IRAK4: variants seen among roughly 807,000 people sequenced by gnomAD.
The protein encoded by IRAK4 is interleukin 1 receptor associated kinase 4.
In IRAK4, 44 loss-of-function variants were observed where a neutral mutation model predicts 51.8. The ratio of observed to expected loss-of-function variants is 0.85; its 90% CI spans 0.67 to 1.09. The LOEUF is 1.09. IRAK4 is among the 50% of genes least tolerant of loss of function. The probability of loss-of-function intolerance (pLI) is 0.00; values close to 1 mark genes in which losing one functional copy is unlikely to be tolerated. For missense variants in IRAK4, 487 were observed against 538.0 expected (o/e 0.91, Z 0.94); for synonymous variants, 149 against 174.1 (o/e 0.86, Z 1.13).
rs4251503 is a variant in IRAK4, at chr12:43,778,405, G to T, written c.941+103G>T. The T allele has an allele frequency of 2.3e-4, 168 of 715,440 alleles. 4 individuals carry two copies. The highest frequency in any genetic ancestry group is 1.1e-3 in the South Asian group (72 of 65,728). 44.3% of individuals were successfully genotyped at this position (715,440 alleles called of 1,614,324 possible). ...TGCAGGTCTTAACCTAGAGCATCTG[G>T]ACTTTTTTCCCATCACTCCATGAAA... On this transcript the variant is annotated intron_variant, in intron 8 of 11. Coordinates refer to ENST00000613694, the MANE Select transcript of IRAK4 (RefSeq NM_016123.4).
chr12:43,776,867 G>C (rs1199355580), intron 6 of IRAK4, among the ~76,000 whole-genome samples: 2 of 152,188 alleles, frequency 1.3e-5, no homozygotes, highest in African/African-American at 2.4e-5. Context: ...TGTGATTAAA[G>C]ATCAAAAACA....
At chr12:43,765,969 C>A (rs1400198942) in intron 1 of IRAK4, among the ~76,000 whole-genome samples, 2 of 151,992 alleles carry the variant, frequency 1.3e-5, no homozygotes, top group Admixed American at 1.3e-4. Context: ...TATACTTTTT[C>A]CAAGCTCTCC....
intron 10 of IRAK4, among the ~76,000 whole-genome samples, chr12:43,784,239 C>G (rs940754475): frequency 6.6e-6 from 1 of 152,180 alleles, no homozygotes; most frequent in Non-Finnish European, 1.5e-5. Flanking sequence ...TGCTCTCACA[C>G]CACAACAACA....
intron 8 of IRAK4, 26 bp downstream of exon 8, chr12:43,778,328 T>C (rs1941478098): frequency 2.4e-6 from 3 of 1,248,390 alleles, no homozygotes; most frequent in African/African-American, 2.9e-5. Flanking sequence ...TAAAAGTTTT[T>C]GGAAAGCTGT....
chr12:43,760,376 T>G (rs1939387548), intron 1 of IRAK4, among the ~76,000 whole-genome samples: 1 of 152,180 alleles, frequency 6.6e-6, no homozygotes, highest in Non-Finnish European at 1.5e-5. Flanking sequence ...TACTCCAACA[T>G]CCTTTATTCC....
Position 43,782,315 on chromosome 12 carries a change from T to TGAAG in IRAK4, c.950_951insGAAG (p.Ile317MetfsTer6). The TGAAG allele has an allele frequency of 1.2e-6, 2 of 1,612,480 alleles. No individual in the cohort carries two copies. Among genetic ancestry groups the TGAAG allele is most frequent in the Non-Finnish European group, 1.7e-6 (2 of 1,178,524 alleles). On this transcript the variant is annotated frameshift_variant, in exon 9 of 12. Coordinates refer to ENST00000613694, the MANE Select transcript of IRAK4 (RefSeq NM_016123.4). LOFTEE classifies it high-confidence loss of function. Reference sequence around the variant, plus strand: ...CTTTACATTTTTTTCAGTGCAAATATCTTACTGGATGAAGCTTTTACTGCT... The same window carrying TGAAG: ...CTTTACATTTTTTTCAGTGCAAATATGAAGCTTACTGGATGAAGCTTTTACTGCT...
At chr12:43,763,999 C>T (rs1939853820) in intron 1 of IRAK4, among the ~76,000 whole-genome samples, 3 of 152,114 alleles carry the variant, frequency 2.0e-5, no homozygotes, top group African/African-American at 7.2e-5. Flanking sequence ...TCACATCATT[C>T]CTTTCCATTC....
chr12:43,760,160 G>A (rs574439090), intron 1 of IRAK4, among the ~76,000 whole-genome samples: 7 of 152,136 alleles, frequency 4.6e-5, no homozygotes, highest in Non-Finnish European at 1.0e-4. Flanking sequence ...TCCTTCCTCA[G>A]CCTTCTCTAT....
Position 43,787,537 on chromosome 12 carries a change from A to C in IRAK4, c.*822A>C, listed in dbSNP as rs1942294435. 1 of 152,030 alleles carries C rather than the reference A, an allele frequency of 6.6e-6. No homozygotes were observed. Among genetic ancestry groups the C allele is most frequent in the African/African-American group, 2.4e-5 (1 of 41,366 alleles). The allele number at this position is 152,030 out of a possible 1,614,324, so 9.4% of individuals were successfully genotyped here. ...CTAAAGGTGGCCTCTAGGAGATGAG[A>C]CCTACCTTCCAGTTGTCAGCAAGCA... On this transcript the variant is annotated 3_prime_UTR_variant, in exon 12 of 12. Coordinates refer to ENST00000613694, the MANE Select transcript of IRAK4 (RefSeq NM_016123.4).
At chr12:43,763,580 A>T (rs554234012) in intron 1 of IRAK4, 1 of 152,318 alleles carries the variant, frequency 6.6e-6, no homozygotes, top group East Asian at 1.9e-4. Flanking sequence ...AGATATAACC[A>T]ACATAAACAA....
At chr12:43,762,394 A>G (rs1325216294) in intron 1 of IRAK4, among the ~76,000 whole-genome samples, 1 of 152,200 alleles carries the variant, frequency 6.6e-6, no homozygotes, top group Non-Finnish European at 1.5e-5. Context: ...GCTCTAATTT[A>G]TAAGACTACT....
chr12:43,769,618 C>G (rs760937511), intron 2 of IRAK4, among the ~76,000 whole-genome samples: 15 of 152,154 alleles, frequency 9.9e-5, no homozygotes, highest in Non-Finnish European at 1.8e-4. Flanking sequence ...TGCCACTGCA[C>G]TCCAGCCTGA....
At chr12:43,777,916 G>T (rs532977117) in intron 7 of IRAK4, among the ~76,000 whole-genome samples, 172 bp downstream of exon 7, 1 of 152,148 alleles carries the variant, frequency 6.6e-6, no homozygotes, top group South Asian at 2.1e-4. Flanking sequence ...TCAACAACTG[G>T]GTTGCCATTT....
intron 6 of IRAK4, among the ~76,000 whole-genome samples, chr12:43,776,771 C>T (rs1941314569): frequency 6.6e-6 from 1 of 152,212 alleles, no homozygotes; most frequent in South Asian, 2.1e-4. Context: ...ACCACAGATG[C>T]TGCCACTTTA....
intron 8 of IRAK4, among the ~76,000 whole-genome samples, 166 bp from the exon 9 acceptor site, chr12:43,782,141 T>C (rs928177509): frequency 2.0e-5 from 3 of 152,338 alleles, no homozygotes; most frequent in Admixed American, 2.0e-4. Flanking sequence ...CTTTAGGCTT[T>C]TATGATGCAT....
intron 6 of IRAK4, among the ~76,000 whole-genome samples, chr12:43,776,673 A>ACTT (rs1941302550): frequency 1.3e-5 from 2 of 152,358 alleles, no homozygotes; most frequent in South Asian, 4.1e-4. Flanking sequence ...AAGGCTGTTA[A>ACTT]CTTGCGGTAG....
At position 43,786,734 on chromosome 12, in the gene IRAK4, T is replaced by C. The variant is rs199727839; in HGVS notation, c.*19T>C. On this transcript the variant is annotated 3_prime_UTR_variant, in exon 12 of 12. Coordinates refer to ENST00000613694, the MANE Select transcript of IRAK4 (RefSeq NM_016123.4). ...TTCTTAAAACTTTATTGGAAAAGAC[T>C]CTTGACTTTTTATATACACCTATCT... The C allele has an allele frequency of 6.9e-5, 110 of 1,604,334 alleles. No individual in the cohort carries two copies. The Middle Eastern group carries it at 1.2e-3, about 17-fold the overall frequency.
Position 43,787,513 on chromosome 12 carries a change from TA to T in IRAK4, c.*801del, listed in dbSNP as rs955596306. The T allele has an allele frequency of 2.0e-5, 3 of 152,076 alleles. No homozygotes were observed. The highest frequency in any genetic ancestry group is 7.2e-5 in the African/African-American group (3 of 41,394). The allele number at this position is 152,076 out of a possible 1,614,324, so 9.4% of individuals were successfully genotyped here. A position where few individuals can be genotyped will look rare whatever the true frequency, so the allele number is the denominator to read the frequency against. ...TGAGAGGGCCACATTGGCTAAAACCTAAAGGTGGCCTCTAGGAGATGAGACC... is the reference window on the plus strand; with the variant it reads ...TGAGAGGGCCACATTGGCTAAAACCTAAGGTGGCCTCTAGGAGATGAGACC... On this transcript the variant is annotated 3_prime_UTR_variant, in exon 12 of 12. Transcript: ENST00000613694.
chr12:43,764,295 A>G (rs1939887861), intron 1 of IRAK4, among the ~76,000 whole-genome samples: 1 of 152,152 alleles, frequency 6.6e-6, no homozygotes, highest in South Asian at 2.1e-4. Context: ...GTGGTGGTGC[A>G]CACCTGTAAT....
Sources: gnomAD v4.1 joint callset for allele counts (sites outside exome capture counted in the v4.1 genomes callset) on GRCh38, gnomAD v4.1.1 for gene constraint, MANE v1.5 for transcripts, NCBI Gene and HGNC (gene_info 2026-07-23, HGNC 2026-07-21) for gene names.